NTF3: variants seen among roughly 807,000 people sequenced by gnomAD.
The protein encoded by NTF3 is neurotrophin 3.
A neutral mutation model predicts 26.3 loss-of-function variants in NTF3; 8 were observed. That is an observed-to-expected ratio of 0.30 (90% CI 0.18 to 0.55). NTF3 has a LOEUF of 0.55. Ranked by LOEUF, NTF3 falls within the 20% of genes least tolerant of loss-of-function variation. The probability of loss-of-function intolerance (pLI) is 0.93; values close to 1 mark genes in which losing one functional copy is unlikely to be tolerated. For missense variants in NTF3, 276 were observed against 352.9 expected, an observed-to-expected ratio of 0.78 and a Z score of 1.75; for synonymous variants, 154 against 145.5, an observed-to-expected ratio of 1.06 and a Z score of -0.42.
intron 1 of NTF3, among the ~76,000 whole-genome samples, chr12:5,447,416 A>G (rs1565385678): frequency 6.6e-6 from 1 of 152,344 alleles, no homozygotes; most frequent in East Asian, 1.9e-4. Flanking sequence ...GATTATGCAC[A>G]TTTAAGGAAA....
rs181105304 is a variant in NTF3, at chr12:5,432,825, T to C, written c.18+483T>C. ...CCGCCTGCTCCTCCGAGAAAGCTCC[T>C]AGCGCATCCTATAACAAAAGGGGGT... On this transcript the variant is annotated intron_variant, in intron 1 of 1. Transcript: ENST00000423158. 3.1e-3 allele frequency among the ~76,000 whole-genome samples: 475 copies of C among 151,788 alleles called. 2 individuals are homozygous for C. Among genetic ancestry groups the C allele is most frequent in the African/African-American group, 0.011 (462 of 41,348 alleles).
intron 1 of NTF3, among the ~76,000 whole-genome samples, chr12:5,472,885 A>G (rs943630952): frequency 6.6e-6 from 1 of 152,174 alleles, no homozygotes; most frequent in Non-Finnish European, 1.5e-5. Context: ...GCCTGTGTCA[A>G]TTTATCCCTA....
At chr12:5,460,111 C>G (rs942267921) in intron 1 of NTF3, among the ~76,000 whole-genome samples, 3 of 152,162 alleles carry the variant, frequency 2.0e-5, no homozygotes, top group African/African-American at 7.2e-5. Context: ...CTCCCCCTCA[C>G]TCCCCAGTTT....
At chr12:5,463,114 T>C (rs547366712) in intron 1 of NTF3, among the ~76,000 whole-genome samples, 2 of 152,238 alleles carry the variant, frequency 1.3e-5, no homozygotes, top group African/African-American at 2.4e-5. Context: ...TTCAAGACAA[T>C]ATTAGACTAG....
At chr12:5,466,138 C>T (rs1591599790) in intron 1 of NTF3, among the ~76,000 whole-genome samples, 1 of 152,200 alleles carries the variant, frequency 6.6e-6, no homozygotes, top group Non-Finnish European at 1.5e-5. Context: ...CAGCCCTTGG[C>T]ACAGTCTTCA....
intron 1 of NTF3, among the ~76,000 whole-genome samples, chr12:5,459,919 G>C (rs1241408499): frequency 1.3e-5 from 2 of 152,110 alleles, no homozygotes; most frequent in African/African-American, 2.4e-5. Flanking sequence ...TTTTCCTAAA[G>C]GGCCAGATTG....
At chr12:5,455,743 A>G (rs4765815) in intron 1 of NTF3, among the ~76,000 whole-genome samples, 135,861 of 152,184 alleles carry the variant, frequency 0.89, 60,626 homozygotes, top group East Asian at 0.95. Context: ...TGTCTTGCTC[A>G]GGGCACACAG....
rs536622575 is a variant in NTF3, at chr12:5,454,788, G to C, written c.18+22446G>C. ...GCAAGGAGGACAGCGGCGAGAAAAA[G>C]GGGGAGTAGATGGAGGGTCTTGGAA... On this transcript the variant is annotated intron_variant, in intron 1 of 1. Coordinates refer to ENST00000423158, the MANE Select transcript of NTF3 (RefSeq NM_001102654.2). Among the ~76,000 whole-genome samples, 112 of 152,364 alleles carry C rather than the reference G, an allele frequency of 7.4e-4. 1 individual carries two copies. Among genetic ancestry groups the C allele is most frequent in the Middle Eastern group, 6.8e-3 (2 of 294 alleles).
At chr12:5,482,865 CCT>C (rs2121238942) in intron 1 of NTF3, among the ~76,000 whole-genome samples, 1 of 150,614 alleles carries the variant, frequency 6.6e-6, no homozygotes, top group South Asian at 2.1e-4. Flanking sequence ...TCTGTCTCTC[CCT>C]CTGTCTTTCT....
chr12:5,482,123 TCACA>T (rs1030117163), intron 1 of NTF3, among the ~76,000 whole-genome samples: 4 of 151,672 alleles, frequency 2.6e-5, no homozygotes, highest in Admixed American at 1.3e-4. Context: ...CAATGCACAC[TCACA>T]CACAGACACA....
intron 1 of NTF3, among the ~76,000 whole-genome samples, chr12:5,473,678 G>A (rs561118476): frequency 3.3e-5 from 5 of 152,342 alleles, no homozygotes; most frequent in African/African-American, 1.2e-4. Context: ...TTCTGGGCAA[G>A]TCCCTTACCA....
chr12:5,483,321 C>A lies in NTF3; in HGVS notation c.19-10873C>A, dbSNP rs567995159. On this transcript the variant is annotated intron_variant, in intron 1 of 1. Coordinates refer to ENST00000423158, the MANE Select transcript of NTF3 (RefSeq NM_001102654.2). ...CAGTCCGACCCGTGGGGCTTGCAGA[C>A]CCTCTTCTGGCGCACACCTTCAGGA... Among the ~76,000 whole-genome samples, 35 of 152,290 alleles carry A rather than the reference C, an allele frequency of 2.3e-4. No homozygotes were observed. In the South Asian group the frequency reaches 3.1e-3, roughly 14 times the overall value.
intron 1 of NTF3, among the ~76,000 whole-genome samples, chr12:5,450,790 T>C (rs1455141172): frequency 1.3e-5 from 2 of 152,226 alleles, no homozygotes; most frequent in Admixed American, 6.5e-5. Flanking sequence ...GCTGTACTTG[T>C]TTTTCTAATG....
At chr12:5,453,085 C>A (rs1346623923) in intron 1 of NTF3, among the ~76,000 whole-genome samples, 3 of 152,148 alleles carry the variant, frequency 2.0e-5, no homozygotes, top group African/African-American at 7.2e-5. Flanking sequence ...TGCCTTATGG[C>A]ATTATATAAG....
At chr12:5,441,975 G>C (rs1401034498) in intron 1 of NTF3, among the ~76,000 whole-genome samples, 1 of 152,188 alleles carries the variant, frequency 6.6e-6, no homozygotes, top group African/African-American at 2.4e-5. Context: ...TACGCATTAG[G>C]ATAACTCCTC....
At position 5,456,602 on chromosome 12, in the gene NTF3, C is replaced by T. The variant is rs372427206; in HGVS notation, c.18+24260C>T. Among the ~76,000 whole-genome samples, 190 of 152,196 alleles carry T rather than the reference C, an allele frequency of 1.2e-3. No individual in the cohort carries two copies. The highest frequency in any genetic ancestry group is 4.3e-3 in the African/African-American group (179 of 41,504). On this transcript the variant is annotated intron_variant, in intron 1 of 1. Coordinates refer to ENST00000423158, the MANE Select transcript of NTF3 (RefSeq NM_001102654.2). The surrounding 1 kb of genome is among the most constrained non-coding windows in gnomAD (Gnocchi z 4.4). ...CCTGATCGTGAGCTCTGGGGGTCCT[C>T]TTCCACCCCCACCCCCACCCCCAGC...
chr12:5,460,705 G>A (rs974191878), intron 1 of NTF3, among the ~76,000 whole-genome samples: 7 of 152,112 alleles, frequency 4.6e-5, no homozygotes, highest in African/African-American at 1.7e-4. Flanking sequence ...CAATAGCAGA[G>A]CCCCCATCCC....
At chr12:5,491,009 A>T (rs1940929542) in intron 1 of NTF3, among the ~76,000 whole-genome samples, 2 of 152,226 alleles carry the variant, frequency 1.3e-5, no homozygotes, top group African/African-American at 4.8e-5. Context: ...ATGCTATGCT[A>T]GGTGCTTCCA....
intron 1 of NTF3, among the ~76,000 whole-genome samples, chr12:5,443,384 G>A (rs1364378486): frequency 6.6e-6 from 1 of 152,168 alleles, no homozygotes; most frequent in African/African-American, 2.4e-5. Context: ...AGGATACCTG[G>A]ATGCAGGGCC....
Sources: allele counts gnomAD v4.1 joint callset (sites outside exome capture counted in the v4.1 genomes callset), GRCh38; gene constraint gnomAD v4.1.1; non-coding constraint Gnocchi (gnomAD v3.1); transcripts MANE v1.5; gene names NCBI Gene and HGNC (gene_info 2026-07-23, HGNC 2026-07-21).